The following ARMH3 variants were observed in gnomAD, a reference collection of about 807,000 sequenced individuals.
The protein encoded by ARMH3 is armadillo like helical domain containing 3, also known as armadillo-like helical domain-containing protein 3.
A neutral mutation model predicts 99.1 loss-of-function variants in ARMH3; 60 were observed. That is an observed-to-expected ratio of 0.61 (90% CI 0.49 to 0.75). The LOEUF is 0.75. Among genes scored for constraint, ARMH3 ranks in the 30% least tolerant of loss-of-function variants. The pLI is 0.00. For missense variants in ARMH3, 679 were observed against 843.1 expected, an observed-to-expected ratio of 0.81 and a Z score of 2.41; for synonymous variants, 285 against 292.8, an observed-to-expected ratio of 0.97 and a Z score of 0.27.
intron 23 of ARMH3, among the ~76,000 whole-genome samples, chr10:101,915,737 G>A (rs1843052613): frequency 6.6e-6 from 1 of 151,958 alleles, no homozygotes; most frequent in African/African-American, 2.4e-5. Context: ...GTACAGAGGG[G>A]AGTGGAAGTT....
At chr10:101,921,177 C>T (rs926694015) in intron 23 of ARMH3, among the ~76,000 whole-genome samples, 2 of 152,116 alleles carry the variant, frequency 1.3e-5, no homozygotes, top group Non-Finnish European at 2.9e-5. Flanking sequence ...AAGGATTGAA[C>T]TACTGATATA....
chr10:101,985,284 G>GTATATACACATACGTATATACACATA (rs1564821562), intron 19 of ARMH3, among the ~76,000 whole-genome samples: 2 of 139,330 alleles, frequency 1.4e-5, no homozygotes, highest in African/African-American at 5.3e-5. Context: ...GTGTATATAC[G>GTATATACACATACGTATATACACATA]TATATACACA....
chr10:101,861,503 C>A (rs1004164200), intron 24 of ARMH3, among the ~76,000 whole-genome samples: 1 of 152,088 alleles, frequency 6.6e-6, no homozygotes, highest in Non-Finnish European at 1.5e-5. Context: ...GAGGCTGAGG[C>A]GGACGGATCA....
chr10:102,008,943 G>A (rs1369015621), intron 13 of ARMH3, among the ~76,000 whole-genome samples: 3 of 152,056 alleles, frequency 2.0e-5, no homozygotes, highest in Non-Finnish European at 4.4e-5. Flanking sequence ...AACCTGGCCA[G>A]GATATTTTTT....
At chr10:101,995,541 C>T (rs975842533) in intron 15 of ARMH3, among the ~76,000 whole-genome samples, 186 bp from the exon 16 acceptor site, 13 of 152,142 alleles carry the variant, frequency 8.5e-5, no homozygotes, top group Non-Finnish European at 1.3e-4. Flanking sequence ...AGAATTCCCC[C>T]AGAAGATTTA....
At chr10:102,041,917 G>A (rs2067435282) in intron 1 of ARMH3, among the ~76,000 whole-genome samples, 1 of 152,040 alleles carries the variant, frequency 6.6e-6, no homozygotes, top group African/African-American at 2.4e-5. Context: ...CAAAGTGCTG[G>A]GATTACAGGC....
At chr10:101,914,792 C>T (rs1005370937) in intron 23 of ARMH3, among the ~76,000 whole-genome samples, 2 of 130,682 alleles carry the variant, frequency 1.5e-5, no homozygotes, top group East Asian at 2.5e-4. Context: ...CTTGAACCTG[C>T]GAGGTGGAGG....
chr10:101,956,480 T>G, intron 22 of ARMH3, 117 bp downstream of exon 22: 1 of 1,344,456 alleles, frequency 7.4e-7, no homozygotes, highest in Non-Finnish European at 1.0e-6. Context: ...ACTACTATAT[T>G]TCTGTGCCAC....
At chr10:101,856,089 G>T (rs1027282671) in intron 24 of ARMH3, among the ~76,000 whole-genome samples, 2 of 152,112 alleles carry the variant, frequency 1.3e-5, no homozygotes, top group Non-Finnish European at 2.9e-5. Context: ...CTCCTAAGAA[G>T]TTTGGAAGTA....
chr10:101,964,761 A>G (rs1845460020), intron 20 of ARMH3, among the ~76,000 whole-genome samples: 1 of 152,012 alleles, frequency 6.6e-6, no homozygotes, highest in African/African-American at 2.4e-5. Context: ...CTGTAATCCC[A>G]GCACTTTGGA....
intron 11 of ARMH3, among the ~76,000 whole-genome samples, chr10:102,011,151 G>A (rs1340997170): frequency 7.3e-6 from 1 of 137,550 alleles, no homozygotes; most frequent in Admixed American, 7.1e-5. Context: ...CTGGAGTCTT[G>A]CCAGCTGGAC....
chr10:102,037,265 T>G (rs977266728), intron 2 of ARMH3, among the ~76,000 whole-genome samples: 3 of 148,326 alleles, frequency 2.0e-5, no homozygotes, highest in African/African-American at 5.0e-5. Flanking sequence ...CACTGCAACC[T>G]CTGCCTCCCG....
chr10:102,034,986 C>T (rs2067216594), intron 2 of ARMH3, among the ~76,000 whole-genome samples: 1 of 152,116 alleles, frequency 6.6e-6, no homozygotes, highest in Non-Finnish European at 1.5e-5. Flanking sequence ...CCTGTAACGT[C>T]AGCATTTTGT....
chr10:102,050,660 C>G (rs1227880889), intron 1 of ARMH3, among the ~76,000 whole-genome samples: 2 of 151,802 alleles, frequency 1.3e-5, no homozygotes, highest in East Asian at 3.9e-4. Flanking sequence ...GAGTTCGAAA[C>G]CAGCCTGGCC....
intron 20 of ARMH3, among the ~76,000 whole-genome samples, chr10:101,961,197 C>A (rs1011676286): frequency 1.3e-5 from 2 of 152,188 alleles, no homozygotes; most frequent in African/African-American, 4.8e-5. Flanking sequence ...CTTTGCTCAG[C>A]ACGAGCCACC....
intron 13 of ARMH3, among the ~76,000 whole-genome samples, chr10:102,008,781 G>A (rs2066565007): frequency 6.6e-6 from 1 of 151,742 alleles, no homozygotes; most frequent in African/African-American, 2.4e-5. Flanking sequence ...TAGCCAGGAT[G>A]GTCTTGATCT....
intron 22 of ARMH3, among the ~76,000 whole-genome samples, chr10:101,944,242 CTATATATATATATATATATA>C (rs1161121591): frequency 8.2e-5 from 2 of 24,328 alleles, no homozygotes; most frequent in African/African-American, 3.7e-4. Context: ...TTGCTTGAGC[CTATATATATATATATATATA>C]TATATATATA....
intron 10 of ARMH3, 70 bp from the exon 11 acceptor site, chr10:102,011,853 G>T: frequency 7.6e-7 from 1 of 1,310,780 alleles, no homozygotes; most frequent in Non-Finnish European, 1.1e-6. Flanking sequence ...GACATTTGGG[G>T]TAATCAGGGC....
chr10:101,981,419 T>C (rs1262484054), intron 19 of ARMH3, among the ~76,000 whole-genome samples: 1 of 150,598 alleles, frequency 6.6e-6, no homozygotes, highest in Non-Finnish European at 1.5e-5. Flanking sequence ...AGGCCAAGAG[T>C]TCAAGACCAA....
Sources: allele counts gnomAD v4.1 joint callset (sites outside exome capture counted in the v4.1 genomes callset), GRCh38; gene constraint gnomAD v4.1.1; transcripts MANE v1.5; gene names NCBI Gene and HGNC (gene_info 2026-07-23, HGNC 2026-07-21).